The following SLC16A6 variants were observed in gnomAD, a reference collection of about 807,000 sequenced individuals.
SLC16A6 encodes solute carrier family 16 member 6.
SLC16A6 carries 15 observed loss-of-function variants against 33.8 expected under a neutral mutation model. That is an observed-to-expected ratio of 0.44 (90% CI 0.30 to 0.68). The LOEUF (loss-of-function observed/expected upper bound fraction) is 0.68, where lower values mean the gene tolerates loss of function less well. SLC16A6 is among the 30% of genes least tolerant of loss of function. SLC16A6 has a pLI of 0.10. For synonymous variants in SLC16A6, 219 were observed against 248.4 expected (o/e 0.88, Z 1.11); for missense variants, 451 against 661.5 (o/e 0.68, Z 3.49).
intron 1 of SLC16A6, among the ~76,000 whole-genome samples, chr17:68,290,352 C>T (rs2075943556): frequency 6.6e-6 from 1 of 152,234 alleles, no homozygotes; most frequent in African/African-American, 2.4e-5. Context: ...ACGACAACAA[C>T]CTAGAAGGAA....
intron 1 of SLC16A6, among the ~76,000 whole-genome samples, chr17:68,281,770 G>T (rs577929657): frequency 6.6e-6 from 1 of 152,214 alleles, no homozygotes; most frequent in South Asian, 2.1e-4. Context: ...AATAACAAAT[G>T]CTGGCAAGGA....
intron 2 of SLC16A6, among the ~76,000 whole-genome samples, chr17:68,275,915 G>C (rs59943304): frequency 6.6e-6 from 1 of 151,252 alleles, no homozygotes; most frequent in Non-Finnish European, 1.5e-5. Flanking sequence ...CCTGGGAGGC[G>C]GAGGTTGCAG....
chr17:68,275,594 TTTC>T, intron 2 of SLC16A6, among the ~76,000 whole-genome samples: 1 of 152,328 alleles, frequency 6.6e-6, no homozygotes, highest in Middle Eastern at 3.4e-3. Flanking sequence ...GCTTTGGGAT[TTTC>T]TTTTTATTTA....
At chr17:68,275,809 G>A (rs894999217) in intron 2 of SLC16A6, among the ~76,000 whole-genome samples, 1 of 151,706 alleles carries the variant, frequency 6.6e-6, no homozygotes, top group Non-Finnish European at 1.5e-5. Context: ...GCAAAACCCC[G>A]TCTCTACTAT....
Position 68,272,736 on chromosome 17 carries a change from A to G in SLC16A6, c.408T>C (p.Thr136=), listed in dbSNP as rs1555749436. Residue 136 remains threonine, a synonymous_variant, in exon 4 of 6, where the codon ACT becomes ACC. Transcript: ENST00000580666. ...GLGYCFSFLP[T]VTILSQYFGK... ...CAAAATATTGTGATAGGATGGTTACAGTTGGGAGAAAACTAAAGCAGTATC... is the reference window on the plus strand; with the variant it reads ...CAAAATATTGTGATAGGATGGTTACGGTTGGGAGAAAACTAAAGCAGTATC... 1.2e-6 allele frequency: 2 copies of G among 1,614,174 alleles called. No individual in the cohort carries two copies. Among genetic ancestry groups the G allele is most frequent in the African/African-American group, 1.3e-5 (1 of 75,078 alleles).
intron 1 of SLC16A6, among the ~76,000 whole-genome samples, chr17:68,283,512 C>A (rs1309450825): frequency 7.3e-6 from 1 of 136,726 alleles, no homozygotes; most frequent in Non-Finnish European, 1.6e-5. Context: ...CAGAGTGAGA[C>A]TCCGTATCAG....
chr17:68,273,955 A>T lies in SLC16A6; in HGVS notation c.348T>A (p.His116Gln). Residue 116 changes from histidine to glutamine, a missense_variant, in exon 3 of 6, where the codon CAT (histidine) becomes CAA (glutamine). By Grantham distance (24) the His-to-Gln change is conservative. This residue lies in a region of SLC16A6 where 405 missense variants were observed against 510.7 expected (regional missense o/e 0.79). Coordinates refer to ENST00000580666, the MANE Select transcript of SLC16A6 (RefSeq NM_004694.5). The stretch of plus-strand genomic sequence containing the variant: ...AGATGATGCCGATGGCGACGTACAT[A>T]TGAGAAACCTCTTGTGAGAAGGAGG... ...VAASFSQEVS[H>Q]MYVAIGIISG... 6.2e-7 allele frequency: 1 copy of T among 1,614,212 alleles called. No individual in the cohort carries two copies. The highest frequency in any genetic ancestry group is 8.5e-7 in the Non-Finnish European group (1 of 1,180,010).
At chr17:68,278,715 G>T (rs529878016) in intron 1 of SLC16A6, among the ~76,000 whole-genome samples, 2 of 150,040 alleles carry the variant, frequency 1.3e-5, no homozygotes, top group Admixed American at 6.7e-5. Context: ...GGCCTCCCGG[G>T]TTCAAGTGAT....
intron 2 of SLC16A6, among the ~76,000 whole-genome samples, chr17:68,276,864 C>T (rs1388904002): frequency 1.3e-5 from 2 of 152,082 alleles, no homozygotes; most frequent in Admixed American, 6.5e-5. Context: ...ATTCAATAGC[C>T]CTTTATAGGA....
chr17:68,269,250 G>A lies in SLC16A6; in HGVS notation c.1418C>T (p.Pro473Leu), dbSNP rs1555747636. Residue 473 changes from proline to leucine, a missense_variant, in exon 6 of 6, where the codon CCG becomes CTG. Around this residue, in one of 2 missense-constraint regions of SLC16A6, gnomAD observed 46 missense variants for 150.8 expected, o/e 0.31. Coordinates refer to ENST00000580666, the MANE Select transcript of SLC16A6 (RefSeq NM_004694.5). ...ATGCTGGCACAGTCCCATCTTACACGGTCTCACCAGGGCGAGGCACACAGC... is the reference window on the plus strand; with the variant it reads ...ATGCTGGCACAGTCCCATCTTACACAGTCTCACCAGGGCGAGGCACACAGC... ...LAAVCLALVR[P>L]CKMGLCQHHH... 4 of 1,500,818 alleles carry A rather than the reference G, an allele frequency of 2.7e-6. No homozygotes were observed. The highest frequency in any genetic ancestry group is 1.2e-5 in the South Asian group (1 of 82,306). 93.0% of individuals were successfully genotyped at this position (1,500,818 alleles called of 1,614,324 possible). A position where few individuals can be genotyped will look rare whatever the true frequency, so the allele number is the denominator to read the frequency against.
At chr17:68,281,307 G>C (rs963512483) in intron 1 of SLC16A6, among the ~76,000 whole-genome samples, 7 of 152,022 alleles carry the variant, frequency 4.6e-5, no homozygotes, top group Admixed American at 3.3e-4. Context: ...GGTGGCTCAC[G>C]CCTGTAATCC....
intron 3 of SLC16A6, among the ~76,000 whole-genome samples, chr17:68,273,580 C>T (rs1033701060): frequency 4.6e-5 from 7 of 152,128 alleles, no homozygotes; most frequent in African/African-American, 1.7e-4. Context: ...GCATGTTGCA[C>T]TTCCCCTACA....
At chr17:68,284,862 T>A (rs2075805733) in intron 1 of SLC16A6, among the ~76,000 whole-genome samples, 1 of 152,234 alleles carries the variant, frequency 6.6e-6, no homozygotes, top group Non-Finnish European at 1.5e-5. Flanking sequence ...CATTTTGATG[T>A]GTGTTGATAT....
rs1555746638 is a variant in SLC16A6, at chr17:68,267,074, A to G, written c.*2022T>C. 1 of 152,222 alleles carries G rather than the reference A, an allele frequency of 6.6e-6. No homozygotes were observed. The highest frequency in any genetic ancestry group is 1.9e-4 in the East Asian group (1 of 5,202). 9.4% of individuals were successfully genotyped at this position (152,222 alleles called of 1,614,324 possible). ...AATTTATTGCAAATCTAGAAGTACC[A>G]GAATGTCACTAATACAGAACAGATC... is the stretch of plus-strand genomic sequence containing the variant. On this transcript the variant is annotated 3_prime_UTR_variant, in exon 6 of 6. Coordinates refer to ENST00000580666, the MANE Select transcript of SLC16A6 (RefSeq NM_004694.5).
intron 1 of SLC16A6, among the ~76,000 whole-genome samples, chr17:68,279,907 C>T (rs76497854): frequency 6.8e-4 from 103 of 152,136 alleles, no homozygotes; most frequent in East Asian, 6.8e-3. Context: ...TATGGCTGGG[C>T]GCGGTGGCTC....
chr17:68,284,103 C>CAAA (rs1189737736), intron 1 of SLC16A6, among the ~76,000 whole-genome samples: 49 of 56,202 alleles, frequency 8.7e-4, no homozygotes, highest in Middle Eastern at 9.8e-3. Flanking sequence ...GACTCTGTCT[C>CAAA]AAAAAAAAAA....
chr17:68,283,296 G>A (rs2075755819), intron 1 of SLC16A6, among the ~76,000 whole-genome samples: 1 of 151,862 alleles, frequency 6.6e-6, no homozygotes, highest in Non-Finnish European at 1.5e-5. Flanking sequence ...CGAGGCAGGC[G>A]AATCACGAGG....
intron 1 of SLC16A6, among the ~76,000 whole-genome samples, chr17:68,290,534 C>T (rs965052290): frequency 1.3e-5 from 2 of 152,224 alleles, no homozygotes; most frequent in African/African-American, 4.8e-5. Flanking sequence ...CGGGAAATCC[C>T]CGGCTTCCCG....
Position 68,277,265 on chromosome 17 carries a change from GGAT to G in SLC16A6, c.232+821_232+823del, listed in dbSNP as rs372823393. On this transcript the variant is annotated intron_variant, in intron 2 of 5. Coordinates refer to ENST00000580666, the MANE Select transcript of SLC16A6 (RefSeq NM_004694.5). Reference sequence around the variant, plus strand: ...TCCTACCTCAGCCTCCTGAGTGCTGGGATTACAGGCACATACCACCATGCCCAG... The same window carrying G: ...TCCTACCTCAGCCTCCTGAGTGCTGGTACAGGCACATACCACCATGCCCAG... Among the ~76,000 whole-genome samples the G allele has an allele frequency of 3.5e-4, 53 of 151,584 alleles. No homozygotes were observed. In the South Asian group the frequency reaches 7.8e-3, roughly 22 times the overall value.
Sources: allele counts gnomAD v4.1 joint callset (sites outside exome capture counted in the v4.1 genomes callset), GRCh38; gene constraint gnomAD v4.1.1; regional missense constraint gnomAD v4.1.1; transcripts MANE v1.5; gene names NCBI Gene and HGNC (gene_info 2026-07-23, HGNC 2026-07-21).